Variants in TPRA1 observed in about 807,000 individuals in gnomAD.
The protein encoded by TPRA1 is transmembrane protein adipocyte-associated 1.
TPRA1 carries 28 observed loss-of-function variants against 40.1 expected under a neutral mutation model. That is an observed-to-expected ratio of 0.70 (90% confidence interval 0.52 to 0.96). The LOEUF is 0.96. TPRA1 is among the 40% of genes least tolerant of loss of function. The pLI is 0.00. For synonymous variants in TPRA1, 219 were observed against 209.7 expected (o/e 1.04, Z -0.38); for missense variants, 441 against 482.6 (o/e 0.91, Z 0.81).
Position 127,589,122 on chromosome 3 carries a change from G to A in TPRA1, c.-18+1288C>T, listed in dbSNP as rs778854190. Among the ~76,000 whole-genome samples, 4 of 152,172 alleles carry A rather than the reference G, an allele frequency of 2.6e-5. No individual in the cohort carries two copies. In the South Asian group the frequency reaches 8.3e-4, roughly 31 times the overall value. On this transcript the variant is annotated intron_variant, in intron 1 of 10. Coordinates refer to ENST00000355552, the MANE Select transcript of TPRA1 (RefSeq NM_001136053.4). ...ACAGACTGTTTCTTCCACCTGGGAG[G>A]AGTCTCCCAGACTCACAACATTCCA... is the stretch of plus-strand genomic sequence containing the variant.
intron 1 of TPRA1, among the ~76,000 whole-genome samples, chr3:127,586,763 G>A (rs976641428): frequency 7.2e-5 from 11 of 152,194 alleles, no homozygotes; most frequent in Admixed American, 1.3e-4. Flanking sequence ...GCCCCAAGAC[G>A]GGCAGGGCCA....
intron 10 of TPRA1, chr3:127,574,923 T>TGTGTGTGCATGTGC (rs2073531840): frequency 1.9e-6 from 1 of 538,252 alleles, no homozygotes; most frequent in Non-Finnish European, 3.4e-6. Context: ...TGTGCGTGTT[T>TGTGTGTGCATGTGC]GTGTGTGCAT....
rs747567295 is a variant in TPRA1 at position 127,575,196 on chromosome 3, C to T, written c.843G>A (p.Arg281=). 5.6e-6 allele frequency: 9 copies of T among 1,613,906 alleles called. No homozygotes were observed. The highest frequency in any genetic ancestry group is 1.7e-5 in the Admixed American group (1 of 60,018). Residue 281 remains arginine (R), a synonymous_variant, in exon 10 of 11, where the codon CGG becomes CGA. Coordinates refer to ENST00000355552, the MANE Select transcript of TPRA1 (RefSeq NM_001136053.4). ...FAPLIYVAFL[R]GFFGSEPKIL... ...GGCCACAGACTCACCCGAAGAAGCC[C>T]CGGAGGAAAGCCACGTAGATGAGCG...
At chr3:127,587,464 A>C (rs1283640746) in intron 1 of TPRA1, among the ~76,000 whole-genome samples, 1 of 151,462 alleles carries the variant, frequency 6.6e-6, no homozygotes, top group African/African-American at 2.4e-5. Context: ...CCAGTGAAAA[A>C]CCTCCAGCTA....
Position 127,573,428 on chromosome 3 carries a change from A to G in TPRA1, c.*93T>C, listed in dbSNP as rs146080693. ...AGGGCCACACAGGGCTACTGCCCAC[A>G]GAACGTCCCTTGACCTGGTCCTCCT... On this transcript the variant is annotated 3_prime_UTR_variant, in exon 11 of 11. Transcript: ENST00000355552. The G allele has an allele frequency of 3.3e-5, 49 of 1,470,502 alleles. No individual in the cohort carries two copies. In the East Asian group the frequency reaches 1.1e-3, roughly 34 times the overall value. The allele number at this position is 1,470,502 out of a possible 1,614,324, so 91.1% of individuals were successfully genotyped here. A position where few individuals can be genotyped will look rare whatever the true frequency, so the allele number is the denominator to read the frequency against.
intron 1 of TPRA1, among the ~76,000 whole-genome samples, chr3:127,583,180 G>A (rs1310101212): frequency 2.0e-5 from 3 of 151,624 alleles, no homozygotes; most frequent in African/African-American, 7.3e-5. Context: ...AGGCATGGTG[G>A]TGCATGCCTG....
At chr3:127,590,748 C>T (rs2074149662), upstream of TPRA1, 1 of 152,238 alleles carries the variant, frequency 6.6e-6, no homozygotes, top group Non-Finnish European at 1.5e-5. Context: ...GTCCCAGAGT[C>T]CCAGAGTCCC....
At position 127,576,929 on chromosome 3, in the gene TPRA1, A is replaced by G; in HGVS notation, c.346-36T>C. Reference sequence around the variant, plus strand: ...AGTGGGCACAGCGTCAGCCTGGACCAGCATCCCCAGCCCACCCCAGGCCAG... The same window carrying G: ...AGTGGGCACAGCGTCAGCCTGGACCGGCATCCCCAGCCCACCCCAGGCCAG... On this transcript the variant is annotated intron_variant, in intron 4 of 10. Transcript: ENST00000355552. This position sits in a 1 kb window ranked among gnomAD's most constrained non-coding sequence, Gnocchi z 4.6. 1 of 1,613,600 alleles carries G rather than the reference A, an allele frequency of 6.2e-7. No individual in the cohort carries two copies. Among genetic ancestry groups the G allele is most frequent in the Middle Eastern group, 1.6e-4 (1 of 6,062 alleles).
rs2073635318 is a variant in TPRA1 at position 127,576,575 on chromosome 3, G to A, written c.498+42C>T. The A allele has an allele frequency of 2.6e-6, 4 of 1,533,516 alleles. No homozygotes were observed. Among genetic ancestry groups the A allele is most frequent in the Admixed American group, 1.9e-5 (1 of 52,130 alleles). The allele number at this position is 1,533,516 out of a possible 1,614,324, so 95.0% of individuals were successfully genotyped here. ...GACCCAGAAGCAGTGGGTGCCTGGT[G>A]CCCTGACTCCTAGCGTCCCCTGCCC... On this transcript the variant is annotated intron_variant, in intron 6 of 10. Coordinates refer to ENST00000355552, the MANE Select transcript of TPRA1 (RefSeq NM_001136053.4). This position sits in a 1 kb window ranked among gnomAD's most constrained non-coding sequence, Gnocchi z 4.6.
At chr3:127,592,554 T>G (rs2074196782), upstream of TPRA1, among the ~76,000 whole-genome samples, 1 of 149,422 alleles carries the variant, frequency 6.7e-6, no homozygotes, top group Non-Finnish European at 1.5e-5. Flanking sequence ...CCCGGCTAAT[T>G]TTTTGTATTT....
chr3:127,592,124 G>A (rs992723354), upstream of TPRA1, among the ~76,000 whole-genome samples: 19 of 152,162 alleles, frequency 1.2e-4, no homozygotes, highest in African/African-American at 4.3e-4. Context: ...GAGCCGTGGG[G>A]AATCCAGTGG....
chr3:127,575,117 C>T, intron 10 of TPRA1, 68 bp downstream of exon 10: 1 of 1,543,422 alleles, frequency 6.5e-7, no homozygotes, highest in Non-Finnish European at 8.9e-7. Context: ...TCAATCCTCA[C>T]ACCCATGCTG....
At chr3:127,589,488 T>A (rs2107667931) in intron 1 of TPRA1, among the ~76,000 whole-genome samples, 1 of 152,218 alleles carries the variant, frequency 6.6e-6, no homozygotes, top group Non-Finnish European at 1.5e-5. Flanking sequence ...CCAAGTAAGT[T>A]ACTTTGCTCT....
At chr3:127,577,172 T>A in intron 3 of TPRA1, 96 bp from the exon 4 acceptor site, 1 of 1,297,890 alleles carries the variant, frequency 7.7e-7, no homozygotes, top group South Asian at 1.2e-5. Context: ...GAGCCTTTGA[T>A]TCCTGAGGTC....
rs776686454 is a variant in TPRA1, at chr3:127,573,713, CTGG to C, written c.927_929del (p.Gln310del). ...CCTCCCGCCGGGCCACAGCGTAGGGCTGGGGTAGGTGTACATCTGGCTCCTCTG... is the reference window on the plus strand; with the variant it reads ...CCTCCCGCCGGGCCACAGCGTAGGGCGGTAGGTGTACATCTGGCTCCTCTG... On this transcript the variant is annotated inframe_deletion, in exon 11 of 11. Transcript: ENST00000355552. 1.7e-5 allele frequency: 27 copies of C among 1,612,566 alleles called. No individual in the cohort carries two copies. In the East Asian group the frequency reaches 6.0e-4, roughly 36 times the overall value.
chr3:127,583,491 T>C (rs943486198), intron 1 of TPRA1, among the ~76,000 whole-genome samples: 2 of 151,970 alleles, frequency 1.3e-5, no homozygotes, highest in Non-Finnish European at 2.9e-5. Context: ...GAGTGGGACC[T>C]TGCCTCAAAA....
intron 1 of TPRA1, 117 bp from the exon 2 acceptor site, chr3:127,580,280 C>T (rs2073791262): frequency 3.5e-6 from 4 of 1,154,812 alleles, no homozygotes; most frequent in East Asian, 5.2e-5. Flanking sequence ...CCCTGTAAAC[C>T]ACCCTCCCCA....
In TPRA1 at chr3:127,576,420, C is replaced by T. The variant is rs534141042; in HGVS notation, c.498+197G>A. On this transcript the variant is annotated intron_variant, in intron 6 of 10. Coordinates refer to ENST00000355552, the MANE Select transcript of TPRA1 (RefSeq NM_001136053.4). This position sits in a 1 kb window ranked among gnomAD's most constrained non-coding sequence, Gnocchi z 4.6. Reference sequence around the variant, plus strand: ...GCAAGTCCTGAGCCTCCCATCCTGGCGCCCTGGCCCACTGGATCCAAATCT... The same window carrying T: ...GCAAGTCCTGAGCCTCCCATCCTGGTGCCCTGGCCCACTGGATCCAAATCT... Among the ~76,000 whole-genome samples, 4 of 152,324 alleles carry T rather than the reference C, an allele frequency of 2.6e-5. No individual in the cohort carries two copies. The highest frequency in any genetic ancestry group is 5.9e-5 in the Non-Finnish European group (4 of 68,034).
intron 1 of TPRA1, among the ~76,000 whole-genome samples, chr3:127,596,172 A>G (rs375112496): frequency 6.6e-6 from 1 of 151,992 alleles, no homozygotes; most frequent in South Asian, 2.1e-4. Flanking sequence ...CTCCACCTCC[A>G]GTGTTCAAGT....
Sources: allele counts gnomAD v4.1 joint callset (sites outside exome capture counted in the v4.1 genomes callset), GRCh38; gene constraint gnomAD v4.1.1; non-coding constraint Gnocchi (gnomAD v3.1); transcripts MANE v1.5; gene names NCBI Gene and HGNC (gene_info 2026-07-23, HGNC 2026-07-21).